Variants in SLIT3 observed in about 807,000 individuals in gnomAD.
SLIT3 encodes slit homolog 3 protein.
SLIT3 carries 68 observed loss-of-function variants against 184.0 expected under a neutral mutation model. The observed-to-expected ratio is 0.37, with a 90% CI of 0.30 to 0.45. The LOEUF is 0.45. SLIT3 is among the 20% of genes least tolerant of loss of function. SLIT3 has a pLI of 1.00. For missense variants in SLIT3, 1,707 were observed against 2,026.0 expected, an observed-to-expected ratio of 0.84 and a Z score of 3.02; for synonymous variants, 831 against 828.6, an observed-to-expected ratio of 1.00 and a Z score of -0.05.
chr5:168,991,733 C>T (rs1755338393), intron 4 of SLIT3, among the ~76,000 whole-genome samples: 1 of 152,234 alleles, frequency 6.6e-6, no homozygotes, highest in African/African-American at 2.4e-5. Context: ...AGGCCTACCC[C>T]AGAGACTGGA....
At chr5:169,066,134 T>A (rs1468706244) in intron 4 of SLIT3, among the ~76,000 whole-genome samples, 2 of 152,200 alleles carry the variant, frequency 1.3e-5, no homozygotes, top group African/African-American at 4.8e-5. Context: ...TAGCTGGCAC[T>A]AAAATGTAAA....
chr5:169,075,917 C>A (rs2113139411), intron 4 of SLIT3, among the ~76,000 whole-genome samples: 1 of 152,324 alleles, frequency 6.6e-6, no homozygotes, highest in African/African-American at 2.4e-5. Context: ...TTAAATAAAG[C>A]CAATACCTGC....
chr5:169,187,555 C>CTTTTTTTTT (rs796812191), intron 4 of SLIT3, among the ~76,000 whole-genome samples: 4 of 89,048 alleles, frequency 4.5e-5, no homozygotes, highest in East Asian at 2.9e-4. Context: ...TTCTTTCTTT[C>CTTTTTTTTT]TTTCTTTTTT....
In SLIT3 at chr5:168,777,756, C is replaced by T. The variant is rs549212571; in HGVS notation, c.1152-3378G>A. Among the ~76,000 whole-genome samples the T allele has an allele frequency of 7.6e-4, 116 of 152,234 alleles. 4 individuals are homozygous for T. The South Asian group carries it at 0.024, about 31-fold the overall frequency. On this transcript the variant is annotated intron_variant, in intron 12 of 35. Transcript: ENST00000519560. ...AGGTGCAGGGAGAGATAAAATTAAGCTGCTTATCCAGAATTAGATGCTGAG... is the reference window on the plus strand; with the variant it reads ...AGGTGCAGGGAGAGATAAAATTAAGTTGCTTATCCAGAATTAGATGCTGAG...
chr5:168,765,834 C>A (rs1755323329), intron 14 of SLIT3, among the ~76,000 whole-genome samples: 1 of 152,176 alleles, frequency 6.6e-6, no homozygotes, highest in Non-Finnish European at 1.5e-5. Context: ...TGGCATCTTG[C>A]CTGCTCCTGC....
At chr5:168,863,520 C>T (rs1303439319) in intron 5 of SLIT3, among the ~76,000 whole-genome samples, 1 of 152,216 alleles carries the variant, frequency 6.6e-6, no homozygotes, top group Non-Finnish European at 1.5e-5. Flanking sequence ...CTGACAGCCA[C>T]AGCCATGGGT....
intron 32 of SLIT3, among the ~76,000 whole-genome samples, chr5:168,678,823 A>T (rs1761493966): frequency 6.6e-6 from 1 of 152,244 alleles, no homozygotes; most frequent in Non-Finnish European, 1.5e-5. Context: ...ACTAAAAGAA[A>T]TGATGATATA....
intron 4 of SLIT3, among the ~76,000 whole-genome samples, chr5:169,099,297 TGGCAGGA>T (rs1298790318): frequency 1.3e-5 from 2 of 152,170 alleles, no homozygotes; most frequent in Non-Finnish European, 2.9e-5. Flanking sequence ...CATACAAACC[TGGCAGGA>T]TGGTCTCAGG....
intron 5 of SLIT3, among the ~76,000 whole-genome samples, chr5:168,879,385 G>A (rs538407764): frequency 2.0e-5 from 3 of 152,246 alleles, no homozygotes; most frequent in South Asian, 4.2e-4. Context: ...CCATAACTGA[G>A]GACTGGTAGG....
At chr5:168,907,967 T>G (rs1242870123) in intron 4 of SLIT3, among the ~76,000 whole-genome samples, 823 of 79,988 alleles carry the variant, frequency 0.01, 8 homozygotes, top group African/African-American at 0.026. Flanking sequence ...TATATATATA[T>G]ATATATATAT....
intron 4 of SLIT3, among the ~76,000 whole-genome samples, chr5:168,951,901 G>A (rs78912759): frequency 6.6e-6 from 1 of 152,260 alleles, no homozygotes; most frequent in African/African-American, 2.4e-5. Flanking sequence ...GGGCTGTTAG[G>A]GATGTAAGAA....
At chr5:168,725,112 T>A (rs1487946926) in intron 20 of SLIT3, among the ~76,000 whole-genome samples, 1 of 151,948 alleles carries the variant, frequency 6.6e-6, no homozygotes, top group African/African-American at 2.4e-5. Context: ...TGTACTACAG[T>A]TCCCAGCAGA....
intron 4 of SLIT3, among the ~76,000 whole-genome samples, chr5:168,985,286 T>C (rs978294177): frequency 4.6e-5 from 7 of 152,206 alleles, no homozygotes; most frequent in African/African-American, 1.7e-4. Context: ...GAGCCACGAA[T>C]ATGCCATCTT....
intron 4 of SLIT3, among the ~76,000 whole-genome samples, chr5:169,094,674 A>G (rs1759713395): frequency 6.6e-6 from 1 of 152,140 alleles, no homozygotes; most frequent in Non-Finnish European, 1.5e-5. Flanking sequence ...CCCCCTCCAA[A>G]TGTACTACAG....
rs138651924 is a variant in SLIT3 at position 169,049,065 on chromosome 5, A to G, written c.413+144414T>C. Among the ~76,000 whole-genome samples, 660 of 152,316 alleles carry G rather than the reference A, an allele frequency of 4.3e-3. 6 individuals carry two copies. Among genetic ancestry groups the G allele is most frequent in the African/African-American group, 0.015 (623 of 41,558 alleles). Reference sequence around the variant, plus strand: ...GGCAGTTTCTTCGAGAAAAGTCAATAGCCTGTGAGGGCGCCAGGGCTACGG... The same window carrying G: ...GGCAGTTTCTTCGAGAAAAGTCAATGGCCTGTGAGGGCGCCAGGGCTACGG... On this transcript the variant is annotated intron_variant, in intron 4 of 35. Transcript: ENST00000519560.
chr5:168,838,477 A>G (rs576443125), intron 6 of SLIT3, among the ~76,000 whole-genome samples: 1 of 152,332 alleles, frequency 6.6e-6, no homozygotes, highest in South Asian at 2.1e-4. Flanking sequence ...CATACTAATA[A>G]TTATTGTACC....
chr5:168,821,282 T>C lies in SLIT3; in HGVS notation c.629+1978A>G, dbSNP rs753210775. Among the ~76,000 whole-genome samples, 4 of 152,354 alleles carry C rather than the reference T, an allele frequency of 2.6e-5. No homozygotes were observed. The South Asian group carries it at 6.2e-4, about 24-fold the overall frequency. ...CAGGGAATGAGCCCAGCTTCTGTTA[T>C]TGCTGCTTCTAAACTGAAAATAACA... is the stretch of plus-strand genomic sequence containing the variant. On this transcript the variant is annotated intron_variant, in intron 7 of 35. Coordinates refer to ENST00000519560, the MANE Select transcript of SLIT3 (RefSeq NM_003062.4).
chr5:169,046,136 CAAA>C (rs1343039236), intron 4 of SLIT3, among the ~76,000 whole-genome samples: 4 of 152,124 alleles, frequency 2.6e-5, no homozygotes, highest in Non-Finnish European at 5.9e-5. Flanking sequence ...CCCTACCCCC[CAAA>C]AGGTGCCTTA....
At chr5:168,675,689 C>T (rs999555468) in intron 32 of SLIT3, among the ~76,000 whole-genome samples, 4 of 152,084 alleles carry the variant, frequency 2.6e-5, no homozygotes, top group Non-Finnish European at 4.4e-5. Context: ...AAACATAGCA[C>T]GACCCCTATT....
Sources: allele counts gnomAD v4.1 joint callset (sites outside exome capture counted in the v4.1 genomes callset), GRCh38; gene constraint gnomAD v4.1.1; transcripts MANE v1.5; gene names NCBI Gene and HGNC (gene_info 2026-07-23, HGNC 2026-07-21).